NFIX: variants seen among roughly 807,000 people sequenced by gnomAD.
NFIX encodes nuclear factor I X.
In NFIX, 2 loss-of-function variants were observed where a neutral mutation model predicts 53.3. That is an observed-to-expected ratio of 0.04 (90% CI 0.02 to 0.12). The LOEUF (loss-of-function observed/expected upper bound fraction) is 0.12, where lower values mean the gene tolerates loss of function less well. Among genes scored for constraint, NFIX ranks in the 10% least tolerant of loss-of-function variants. The probability of loss-of-function intolerance (pLI) is 1.00; values close to 1 mark genes in which losing one functional copy is unlikely to be tolerated. For synonymous variants in NFIX, 244 were observed against 289.0 expected (o/e 0.84, Z 1.58); for missense variants, 310 against 674.5 (o/e 0.46, Z 5.99).
rs2011444407 is a variant in NFIX, at chr19:12,995,834, A to G, written c.-4A>G. Reference sequence around the variant, plus strand: ...CCGCCGCGCTCCCGCCCGGGCGCCCAGCTATGTACTCCCCGTACTGCCTCA... The same window carrying G: ...CCGCCGCGCTCCCGCCCGGGCGCCCGGCTATGTACTCCCCGTACTGCCTCA... On this transcript the variant is annotated 5_prime_UTR_variant, in exon 1 of 11. Transcript: ENST00000592199. 1.0e-6 allele frequency: 1 copy of G among 967,164 alleles called. No homozygotes were observed. The highest frequency in any genetic ancestry group is 1.2e-6 in the Non-Finnish European group (1 of 817,090). 59.9% of individuals were successfully genotyped at this position (967,164 alleles called of 1,614,324 possible).
At position 12,995,530 on chromosome 19, in the gene NFIX, G is replaced by A. The variant is rs867424285; in HGVS notation, c.-308G>A. On this transcript the variant is annotated 5_prime_UTR_variant, in exon 1 of 11. Coordinates refer to ENST00000592199, the MANE Select transcript of NFIX (RefSeq NM_001365902.3). ...CTGCGGCGGCGGCGGCGGCGGGCGA[G>A]GGTGACCGGCCGAGCGGCGGCGGCA... is the stretch of plus-strand genomic sequence containing the variant. 6.6e-6 allele frequency: 1 copy of A among 152,366 alleles called. No individual in the cohort carries two copies. The highest frequency in any genetic ancestry group is 1.4e-5 in the Non-Finnish European group (1 of 69,764). The allele number at this position is 152,366 out of a possible 1,614,324, so 9.4% of individuals were successfully genotyped here.
Position 13,096,467 on chromosome 19 carries a change from C to T in NFIX, c.*1818C>T, listed in dbSNP as rs369984914. ...CTGGAAGCCACAAGGTGGCTGGCTC[C>T]AGGGGCGGCTTTTGTTGGAAGTTGA... On this transcript the variant is annotated 3_prime_UTR_variant, in exon 11 of 11. Transcript: ENST00000592199. 6 of 152,338 alleles carry T rather than the reference C, an allele frequency of 3.9e-5. No individual in the cohort carries two copies. The highest frequency in any genetic ancestry group is 1.3e-4 in the Admixed American group (2 of 15,298). 9.4% of individuals were successfully genotyped at this position (152,338 alleles called of 1,614,324 possible).
intron 2 of NFIX, among the ~76,000 whole-genome samples, chr19:13,055,501 G>T (rs994459963): frequency 3.9e-5 from 6 of 152,228 alleles, no homozygotes; most frequent in Admixed American, 6.5e-5. Flanking sequence ...CCAGTGCCTT[G>T]CTCCCTAATA....
At chr19:13,055,908 C>G (rs1241375571) in intron 2 of NFIX, among the ~76,000 whole-genome samples, 1 of 152,192 alleles carries the variant, frequency 6.6e-6, no homozygotes, top group African/African-American at 2.4e-5. Flanking sequence ...GCAAATCTCT[C>G]CTTGCACCCA....
At chr19:13,015,413 G>A (rs1165625381) in intron 1 of NFIX, among the ~76,000 whole-genome samples, 1 of 152,094 alleles carries the variant, frequency 6.6e-6, no homozygotes, top group Non-Finnish European at 1.5e-5. Flanking sequence ...AGGACCCTAG[G>A]CCCAGCCTGG....
chr19:13,092,400 C>T (rs1277099548), intron 10 of NFIX, among the ~76,000 whole-genome samples: 3 of 152,092 alleles, frequency 2.0e-5, no homozygotes, highest in African/African-American at 4.8e-5. Context: ...CTTGGGGCAG[C>T]CTTTGTCCCT....
chr19:13,022,727 C>T lies in NFIX; in HGVS notation c.28-2294C>T, dbSNP rs755356986. The stretch of plus-strand genomic sequence containing the variant: ...CCTTCTGGGGCTCCCGCCCGCCAGC[C>T]CGCCGGGAGTCAGGCCTTTATTTAT... On this transcript the variant is annotated intron_variant, in intron 1 of 10. Coordinates refer to ENST00000592199, the MANE Select transcript of NFIX (RefSeq NM_001365902.3). This position sits in a 1 kb window ranked among gnomAD's most constrained non-coding sequence, Gnocchi z 4.5. 2.6e-5 allele frequency among the ~76,000 whole-genome samples: 4 copies of T among 152,254 alleles called. No individual in the cohort carries two copies. In the South Asian group the frequency reaches 8.3e-4, roughly 32 times the overall value.
In NFIX at chr19:13,051,265, T is replaced by G. The variant is rs887961804; in HGVS notation, c.560-21782T>G. Among the ~76,000 whole-genome samples, 24 of 152,180 alleles carry G rather than the reference T, an allele frequency of 1.6e-4. No individual in the cohort carries two copies. The highest frequency in any genetic ancestry group is 2.2e-4 in the African/African-American group (9 of 41,432). The stretch of plus-strand genomic sequence containing the variant: ...TAAATGAGTCACTCAGCTCTGGCTT[T>G]GCCAGGTGGCCCAGGGTAGGGGGAT... On this transcript the variant is annotated intron_variant, in intron 2 of 10. Coordinates refer to ENST00000592199, the MANE Select transcript of NFIX (RefSeq NM_001365902.3). The surrounding 1 kb of genome is among the most constrained non-coding windows in gnomAD (Gnocchi z 5.1).
rs1053004247 is a variant in NFIX, at chr19:13,027,736, C to T, written c.559+2184C>T. Among the ~76,000 whole-genome samples, 1 of 152,208 alleles carries T rather than the reference C, an allele frequency of 6.6e-6. No homozygotes were observed. The highest frequency in any genetic ancestry group is 1.5e-5 in the Non-Finnish European group (1 of 68,038). On this transcript the variant is annotated intron_variant, in intron 2 of 10. Transcript: ENST00000592199. The surrounding 1 kb of genome is among the most constrained non-coding windows in gnomAD (Gnocchi z 4.3). ...TTTCCTGGCCAGAAGAAAGGCCCCA[C>T]CATGCCTCCCTGCCAGCTTAAGAGA...
rs1158538020 is a variant in NFIX at position 13,037,086 on chromosome 19, G to A, written c.559+11534G>A. On this transcript the variant is annotated intron_variant, in intron 2 of 10. Transcript: ENST00000592199. This position sits in a 1 kb window ranked among gnomAD's most constrained non-coding sequence, Gnocchi z 4.2. The stretch of plus-strand genomic sequence containing the variant: ...GGGTGAGACAGGCCATCTGCCCTTG[G>A]GTATTTGACCCAACGGGAAGCAAGG... Among the ~76,000 whole-genome samples, 2 of 152,122 alleles carry A rather than the reference G, an allele frequency of 1.3e-5. No homozygotes were observed. The highest frequency in any genetic ancestry group is 2.9e-5 in the Non-Finnish European group (2 of 68,022).
intron 2 of NFIX, among the ~76,000 whole-genome samples, chr19:13,050,401 C>T (rs1404741515): frequency 6.6e-6 from 1 of 152,244 alleles, no homozygotes; most frequent in Non-Finnish European, 1.5e-5. Context: ...CGCATCACTT[C>T]TCATCCTCTG....
intron 2 of NFIX, among the ~76,000 whole-genome samples, chr19:13,057,963 G>C (rs1009575728): frequency 6.6e-6 from 1 of 152,078 alleles, no homozygotes; most frequent in Non-Finnish European, 1.5e-5. Flanking sequence ...TCCCAGAAGG[G>C]GGCTGTTCAG....
At chr19:13,055,137 G>A (rs973145712) in intron 2 of NFIX, among the ~76,000 whole-genome samples, 13 of 148,756 alleles carry the variant, frequency 8.7e-5, no homozygotes, top group African/African-American at 2.5e-4. Context: ...ACCTCCCGCC[G>A]GCTGTCACCC....
intron 2 of NFIX, among the ~76,000 whole-genome samples, chr19:13,063,705 C>T (rs2016233619): frequency 1.3e-5 from 2 of 152,154 alleles, no homozygotes; most frequent in African/African-American, 4.8e-5. Context: ...CTCTCTGGCT[C>T]TGGGGCTTCC....
intron 8 of NFIX, 87 bp from the exon 9 acceptor site, chr19:13,087,902 C>T (rs997564086): frequency 1.4e-4 from 202 of 1,487,608 alleles, no homozygotes; most frequent in Non-Finnish European, 1.5e-4. Flanking sequence ...CGCCCGCTCT[C>T]AGGAGCGAGC....
At chr19:13,087,563 G>A (rs953170817) in intron 8 of NFIX, among the ~76,000 whole-genome samples, 1 of 152,026 alleles carries the variant, frequency 6.6e-6, no homozygotes, top group Non-Finnish European at 1.5e-5. Context: ...TCAGAGGGAG[G>A]CAGGCATGTG....
In NFIX at chr19:13,073,157, C is replaced by T. The variant is rs374763853; in HGVS notation, c.622+48C>T. ...GCTGCCCTTATCCTTCATGCCCCTC[C>T]ACTTCCTTCCCCCACCCTGGCTGCC... On this transcript the variant is annotated intron_variant, in intron 3 of 10. Coordinates refer to ENST00000592199, the MANE Select transcript of NFIX (RefSeq NM_001365902.3). The surrounding 1 kb of genome is among the most constrained non-coding windows in gnomAD (Gnocchi z 4.5). The T allele has an allele frequency of 1.5e-5, 23 of 1,578,218 alleles. No individual in the cohort carries two copies. The highest frequency in any genetic ancestry group is 1.1e-5 in the Non-Finnish European group (13 of 1,147,276).
At position 13,021,664 on chromosome 19, in the gene NFIX, C is replaced by A. The variant is rs2012958928; in HGVS notation, c.28-3357C>A. ...CCACATCCTTCTTCCTCTGCTTTTCCTTTTATGTCATATCTATTTCCTTCT... is the reference window on the plus strand; with the variant it reads ...CCACATCCTTCTTCCTCTGCTTTTCATTTTATGTCATATCTATTTCCTTCT... On this transcript the variant is annotated intron_variant, in intron 1 of 10. Transcript: ENST00000592199. This position sits in a 1 kb window ranked among gnomAD's most constrained non-coding sequence, Gnocchi z 4.2. 6.6e-6 allele frequency among the ~76,000 whole-genome samples: 1 copy of A among 152,122 alleles called. No individual in the cohort carries two copies. The highest frequency in any genetic ancestry group is 1.5e-5 in the Non-Finnish European group (1 of 68,026).
At chr19:13,057,537 G>C (rs1010681848) in intron 2 of NFIX, among the ~76,000 whole-genome samples, 2 of 152,024 alleles carry the variant, frequency 1.3e-5, no homozygotes, top group Admixed American at 1.3e-4. Context: ...GGCTCCCCAG[G>C]GCCCCGGGCC....
Sources: gnomAD v4.1 joint callset for allele counts (sites outside exome capture counted in the v4.1 genomes callset) on GRCh38, gnomAD v4.1.1 for gene constraint, Gnocchi (gnomAD v3.1) non-coding constraint, MANE v1.5 for transcripts, NCBI Gene and HGNC (gene_info 2026-07-23, HGNC 2026-07-21) for gene names.